The following UNC79 variants were observed in gnomAD, a reference collection of about 807,000 sequenced individuals.
UNC79 encodes the protein protein unc-79 homolog.
UNC79 carries 37 observed loss-of-function variants against 283.1 expected under a neutral mutation model. The ratio of observed to expected loss-of-function variants is 0.13; its 90% CI spans 0.10 to 0.17. The LOEUF (loss-of-function observed/expected upper bound fraction) is 0.17, where lower values mean the gene tolerates loss of function less well. Ranked by LOEUF, UNC79 falls within the 10% of genes least tolerant of loss-of-function variation. UNC79 has a pLI of 1.00. For synonymous variants in UNC79, 1,107 were observed against 1,200.2 expected (o/e 0.92, Z 1.61); for missense variants, 2,272 against 3,211.1 (o/e 0.71, Z 7.07).
intron 1 of UNC79, among the ~76,000 whole-genome samples, chr14:93,370,062 G>A (rs1009026732): frequency 5.9e-5 from 9 of 152,172 alleles, no homozygotes; most frequent in Non-Finnish European, 1.3e-4. Flanking sequence ...CAGGACTATA[G>A]AATGCTTCCC....
intron 19 of UNC79, among the ~76,000 whole-genome samples, 163 bp from the exon 20 acceptor site, chr14:93,582,040 A>G (rs910575417): frequency 6.6e-6 from 1 of 152,220 alleles, no homozygotes; most frequent in Non-Finnish European, 1.5e-5. Flanking sequence ...TGTTCCAGCA[A>G]TAAGCTCCAG....
At chr14:93,435,448 C>T (rs36020019) in intron 1 of UNC79, among the ~76,000 whole-genome samples, 20,563 of 152,086 alleles carry the variant, frequency 0.14, 1,924 homozygotes, top group African/African-American at 0.26. Flanking sequence ...CATTAGTCCT[C>T]TCTCTCACTC....
At chr14:93,396,777 A>ATGTGTGTGTGTG (rs34727419) in intron 1 of UNC79, among the ~76,000 whole-genome samples, 11,241 of 144,370 alleles carry the variant, frequency 0.078, 493 homozygotes, top group Middle Eastern at 0.11. Flanking sequence ...ATGTGTGTGT[A>ATGTGTGTGTGTG]TGTGTGTGTG....
intron 47 of UNC79, among the ~76,000 whole-genome samples, chr14:93,698,567 C>T (rs2075321770): frequency 1.4e-5 from 2 of 147,860 alleles, no homozygotes; most frequent in East Asian, 4.2e-4. Context: ...CTCGCCACAA[C>T]CTCTGCCTCC....
chr14:93,575,683 G>A (rs1242267405), intron 17 of UNC79, among the ~76,000 whole-genome samples: 3 of 152,194 alleles, frequency 2.0e-5, no homozygotes, highest in Non-Finnish European at 4.4e-5. Context: ...CATTGTAGAT[G>A]AGAAAAGTCA....
chr14:93,388,703 A>G (rs1478180372), intron 1 of UNC79, among the ~76,000 whole-genome samples: 2 of 152,184 alleles, frequency 1.3e-5, no homozygotes, highest in African/African-American at 4.8e-5. Context: ...ACTTTCCTGG[A>G]GGAAGCAGTT....
chr14:93,443,085 G>A (rs969059463), intron 1 of UNC79, among the ~76,000 whole-genome samples: 2 of 152,060 alleles, frequency 1.3e-5, no homozygotes, highest in Admixed American at 6.5e-5. Flanking sequence ...TTAGCCAGGC[G>A]TGGTAGTGCA....
At chr14:93,394,212 C>T (rs958157995) in intron 1 of UNC79, among the ~76,000 whole-genome samples, 1 of 152,086 alleles carries the variant, frequency 6.6e-6, no homozygotes, top group Non-Finnish European at 1.5e-5. Context: ...ACTGATGTTT[C>T]ACACACATTG....
chr14:93,392,430 AAG>A (rs2054903180), intron 1 of UNC79, among the ~76,000 whole-genome samples: 1 of 152,232 alleles, frequency 6.6e-6, no homozygotes, highest in African/African-American at 2.4e-5. Flanking sequence ...GTGATTAAAA[AAG>A]AAATGAACAC....
exon 30 of UNC79, chr14:93,622,684 G>T (rs751024375): frequency 1.2e-6 from 2 of 1,614,178 alleles, no homozygotes; most frequent in South Asian, 2.2e-5. Context: ...ATCCTGAAAG[G>T]AAGGTGGAAG....
intron 18 of UNC79, among the ~76,000 whole-genome samples, chr14:93,578,675 C>T (rs557035941): frequency 2.6e-5 from 4 of 152,274 alleles, no homozygotes; most frequent in African/African-American, 9.6e-5. Flanking sequence ...TATCCCTAAA[C>T]ACTTCAGAGT....
chr14:93,529,391 T>A (rs1013597110), intron 10 of UNC79, 65 bp downstream of exon 10: 1 of 1,553,472 alleles, frequency 6.4e-7, no homozygotes, highest in Non-Finnish European at 8.8e-7. Context: ...TTGCTTTATC[T>A]CCTTTTGTAC....
chr14:93,634,529 A>G lies in UNC79; in HGVS notation c.5717-2687A>G, dbSNP rs777905845. Reference sequence around the variant, plus strand: ...TAATTTCCTCCATCTAGCTCAGTATAGGCAGATGAAAAGGGGATCCCTGGG... The same window carrying G: ...TAATTTCCTCCATCTAGCTCAGTATGGGCAGATGAAAAGGGGATCCCTGGG... On this transcript the variant is annotated intron_variant, in intron 31 of 48. Transcript: ENST00000555664. The G allele has an allele frequency of 2.5e-6, 4 of 1,613,596 alleles. No homozygotes were observed. The Admixed American group carries it at 6.7e-5, about 27-fold the overall frequency.
intron 24 of UNC79, among the ~76,000 whole-genome samples, chr14:93,600,223 AAAC>A (rs529025652): frequency 6.6e-6 from 1 of 152,000 alleles, no homozygotes; most frequent in Middle Eastern, 3.2e-3. Flanking sequence ...AGAAACAAAC[AAAC>A]AACAACAACA....
chr14:93,503,716 T>G (rs1448256740), intron 7 of UNC79, among the ~76,000 whole-genome samples: 1 of 152,050 alleles, frequency 6.6e-6, no homozygotes, highest in Non-Finnish European at 1.5e-5. Context: ...ATGATCTTGG[T>G]CAGTTATATA....
intron 26 of UNC79, among the ~76,000 whole-genome samples, chr14:93,607,819 T>A (rs1446399978): frequency 1.3e-5 from 2 of 152,248 alleles, no homozygotes; most frequent in African/African-American, 2.4e-5. Context: ...TGACCTTTCC[T>A]GTCTCCTTAG....
chr14:93,627,427 T>C (rs2067655023), intron 30 of UNC79, among the ~76,000 whole-genome samples: 1 of 152,128 alleles, frequency 6.6e-6, no homozygotes, highest in African/African-American at 2.4e-5. Context: ...TTACAACAAG[T>C]ATTTATTTAG....
intron 8 of UNC79, among the ~76,000 whole-genome samples, chr14:93,527,367 G>A (rs544643650): frequency 6.6e-6 from 1 of 152,302 alleles, no homozygotes; most frequent in East Asian, 1.9e-4. Flanking sequence ...AGAGACTGTG[G>A]CCCACAAAGC....
intron 1 of UNC79, among the ~76,000 whole-genome samples, chr14:93,388,935 A>G (rs1261920003): frequency 1.3e-5 from 2 of 152,308 alleles, no homozygotes; most frequent in East Asian, 3.9e-4. Flanking sequence ...AGTAAGATTC[A>G]CCAGCTAATA....
Sources: allele counts gnomAD v4.1 joint callset (sites outside exome capture counted in the v4.1 genomes callset), GRCh38; gene constraint gnomAD v4.1.1; transcripts MANE v1.5; gene names NCBI Gene and HGNC (gene_info 2026-07-23, HGNC 2026-07-21).